CENPQ: variants seen among roughly 807,000 people sequenced by gnomAD.
The protein encoded by CENPQ is chromosome 6 open reading frame 139.
CENPQ carries 27 observed loss-of-function variants against 36.6 expected under a neutral mutation model. The observed-to-expected ratio is 0.74, with a 90% CI of 0.54 to 1.02. CENPQ has a LOEUF of 1.02. Ranked by LOEUF, CENPQ falls within the 50% of genes least tolerant of loss-of-function variation. CENPQ has a pLI of 0.00. For synonymous variants in CENPQ, 101 were observed against 101.7 expected, an observed-to-expected ratio of 0.99 and a Z score of 0.04; for missense variants, 306 against 301.8, an observed-to-expected ratio of 1.01 and a Z score of -0.10.
Position 49,470,855 on chromosome 6 carries a change from C to T in CENPQ, c.103-119C>T, listed in dbSNP as rs533348481. On this transcript the variant is annotated intron_variant, in intron 2 of 8. Transcript: ENST00000335783. The stretch of plus-strand genomic sequence containing the variant: ...TTAGAAGTAGCAACATACATTTTTT[C>T]TATGTACTAGAAATTATATGAATAC... 173 of 476,568 alleles carry T rather than the reference C, an allele frequency of 3.6e-4. No individual in the cohort carries two copies. In the East Asian group the frequency reaches 5.5e-3, roughly 15 times the overall value. 29.5% of individuals were successfully genotyped at this position (476,568 alleles called of 1,614,324 possible).
chr6:49,485,020 C>A (rs1768541982), intron 6 of CENPQ, among the ~76,000 whole-genome samples: 1 of 152,138 alleles, frequency 6.6e-6, no homozygotes, highest in African/African-American at 2.4e-5. Context: ...GAAATTTGAC[C>A]TCCATGGGAC....
intron 3 of CENPQ, among the ~76,000 whole-genome samples, chr6:49,471,736 T>G (rs970409081): frequency 1.3e-5 from 2 of 152,172 alleles, no homozygotes; most frequent in Non-Finnish European, 2.9e-5. Flanking sequence ...GAAAATAGTT[T>G]CCTGGTCCTC....
intron 5 of CENPQ, among the ~76,000 whole-genome samples, chr6:49,480,140 A>G (rs1212653100): frequency 6.6e-6 from 1 of 152,156 alleles, no homozygotes; most frequent in African/African-American, 2.4e-5. Flanking sequence ...CAGATCCCAA[A>G]AGTGGGATAG....
At chr6:49,491,555 G>A (rs2127428849) in intron 8 of CENPQ, among the ~76,000 whole-genome samples, 1 of 152,206 alleles carries the variant, frequency 6.6e-6, no homozygotes, top group East Asian at 1.9e-4. Flanking sequence ...AAGGGCTCTA[G>A]TAGACATTGT....
In CENPQ at chr6:49,470,208, A is replaced by C; in HGVS notation, c.32A>C (p.Asn11Thr). 1 of 1,611,218 alleles carries C rather than the reference A, an allele frequency of 6.2e-7. No homozygotes were observed. The highest frequency in any genetic ancestry group is 1.1e-5 in the South Asian group (1 of 90,830). The change falls in exon 2 of 9, where the codon AAC (asparagine) becomes ACC (threonine). Residue 11 changes from asparagine (N) to threonine (T), a missense_variant. Coordinates refer to ENST00000335783, the MANE Select transcript of CENPQ (RefSeq NM_018132.4). The stretch of plus-strand genomic sequence containing the variant: ...GGTAAAGCAAATGCTTCCAAGAAAA[A>C]CGCTCAACAGTTAAAAAGAAATCCA... Reference protein sequence around the residue: MSGKANASKKNAQQLKRNPKR... With the variant: MSGKANASKKTAQQLKRNPKR...
intron 1 of CENPQ, among the ~76,000 whole-genome samples, chr6:49,464,043 G>A (rs1415179981): frequency 6.6e-6 from 1 of 151,962 alleles, no homozygotes; most frequent in Non-Finnish European, 1.5e-5. Context: ...GAGTTTTACT[G>A]TTTTCCCTTG....
At chr6:49,480,819 C>A in intron 5 of CENPQ, 132 bp from the exon 6 acceptor site, 1 of 442,798 alleles carries the variant, frequency 2.3e-6, no homozygotes. Context: ...GATTTACTGG[C>A]AATGTTACCC....
At chr6:49,491,982 G>A (rs1032438214) in intron 8 of CENPQ, among the ~76,000 whole-genome samples, 162 bp from the exon 9 acceptor site, 12 of 152,160 alleles carry the variant, frequency 7.9e-5, no homozygotes, top group Non-Finnish European at 1.5e-4. Context: ...GCAGGATGGG[G>A]AGAGGGAGAG....
Position 49,483,358 on chromosome 6 carries a change from C to G in CENPQ, c.477+2278C>G, listed in dbSNP as rs1173693782. Among the ~76,000 whole-genome samples, 6 of 152,308 alleles carry G rather than the reference C, an allele frequency of 3.9e-5. 1 individual carries two copies. Among genetic ancestry groups the G allele is most frequent in the African/African-American group, 1.4e-4 (6 of 41,586 alleles). ...AGACTCAGGAGCCCAGCTGGCTTCA[C>G]CCAGTGGATCCCACACTGGGGCTGC... On this transcript the variant is annotated intron_variant, in intron 6 of 8. Coordinates refer to ENST00000335783, the MANE Select transcript of CENPQ (RefSeq NM_018132.4).
At position 49,487,454 on chromosome 6, in the gene CENPQ, T is replaced by TAAAAAAAAAAAA. The variant is rs759527083; in HGVS notation, c.478-895_478-884dup. ...GCTGACCCCTGCAGCTACCCTTTCT[T>TAAAAAAAAAAAA]AAAAAAAAAAAAAAGTCATTTAGAA... On this transcript the variant is annotated intron_variant, in intron 6 of 8. Coordinates refer to ENST00000335783, the MANE Select transcript of CENPQ (RefSeq NM_018132.4). Among the ~76,000 whole-genome samples, 59 of 93,274 alleles carry TAAAAAAAAAAAA rather than the reference T, an allele frequency of 6.3e-4. 12 individuals carry two copies. Among genetic ancestry groups the TAAAAAAAAAAAA allele is most frequent in the African/African-American group, 1.1e-3 (28 of 25,492 alleles). 61.2% of individuals were successfully genotyped at this position (93,274 alleles called of 152,430 possible).
chr6:49,475,203 TC>T (rs1768254823), intron 5 of CENPQ, among the ~76,000 whole-genome samples: 1 of 152,120 alleles, frequency 6.6e-6, no homozygotes, highest in African/African-American at 2.4e-5. Context: ...GCAAACCAAA[TC>T]CAGCAGCACA....
rs145463135 is a variant in CENPQ, at chr6:49,478,388, T to C, written c.348-2563T>C. 7.9e-3 allele frequency among the ~76,000 whole-genome samples: 1,208 copies of C among 152,294 alleles called. 18 individuals are homozygous for C. The highest frequency in any genetic ancestry group is 0.026 in the African/African-American group (1,101 of 41,556). The stretch of plus-strand genomic sequence containing the variant: ...AAATTGCTATTTCTGGGAACTCATT[T>C]TCATATAAATCTATTTCATTTTCTT... On this transcript the variant is annotated intron_variant, in intron 5 of 8. Coordinates refer to ENST00000335783, the MANE Select transcript of CENPQ (RefSeq NM_018132.4).
At chr6:49,491,249 A>G (rs970344872) in intron 8 of CENPQ, among the ~76,000 whole-genome samples, 1 of 152,248 alleles carries the variant, frequency 6.6e-6, no homozygotes, top group African/African-American at 2.4e-5. Context: ...TCGACTGTAT[A>G]GTTTGAACAT....
At chr6:49,469,904 A>G (rs1768086066) in intron 1 of CENPQ, among the ~76,000 whole-genome samples, 1 of 152,094 alleles carries the variant, frequency 6.6e-6, no homozygotes, top group African/African-American at 2.4e-5. Flanking sequence ...ATCCATACAA[A>G]CGGAAGTTAA....
chr6:49,482,240 C>A (rs918611875), intron 6 of CENPQ, among the ~76,000 whole-genome samples: 1 of 152,190 alleles, frequency 6.6e-6, no homozygotes, highest in Admixed American at 6.5e-5. Context: ...GAGCCAGCTC[C>A]GGCCTTGGCC....
chr6:49,485,704 G>A (rs1768560099), intron 6 of CENPQ, among the ~76,000 whole-genome samples: 1 of 151,078 alleles, frequency 6.6e-6, no homozygotes, highest in Non-Finnish European at 1.5e-5. Flanking sequence ...TAAATTAGAA[G>A]AAACACTAAA....
chr6:49,471,319 A>G (rs1254072953), intron 3 of CENPQ, among the ~76,000 whole-genome samples: 1 of 152,222 alleles, frequency 6.6e-6, no homozygotes, highest in African/African-American at 2.4e-5. Context: ...TGATATAAAT[A>G]CAAATGTACT....
chr6:49,479,905 G>A (rs1472663759), intron 5 of CENPQ, among the ~76,000 whole-genome samples: 1 of 152,098 alleles, frequency 6.6e-6, no homozygotes, highest in African/African-American at 2.4e-5. Flanking sequence ...TCACAAGTGG[G>A]AGCTAAACAT....
chr6:49,471,998 C>T, intron 3 of CENPQ, 65 bp from the exon 4 acceptor site: 1 of 1,483,786 alleles, frequency 6.7e-7, no homozygotes, highest in African/African-American at 1.4e-5. Flanking sequence ...GAAAACATTC[C>T]ATTTTTAAGC....
Sources: gnomAD v4.1 joint callset for allele counts (sites outside exome capture counted in the v4.1 genomes callset) on GRCh38, gnomAD v4.1.1 for gene constraint, MANE v1.5 for transcripts, NCBI Gene and HGNC (gene_info 2026-07-23, HGNC 2026-07-21) for gene names.